The following PCDH15 variants were observed in gnomAD, a reference collection of about 807,000 sequenced individuals.
The protein encoded by PCDH15 is protocadherin related 15, also known as protocadherin-15.
A neutral mutation model predicts 178.5 loss-of-function variants in PCDH15; 129 were observed. The observed-to-expected ratio is 0.72, with a 90% CI of 0.63 to 0.84. The LOEUF (loss-of-function observed/expected upper bound fraction) is 0.84. Ranked by LOEUF, PCDH15 falls within the 40% of genes least tolerant of loss-of-function variation. PCDH15 has a pLI of 0.00. For missense variants in PCDH15, 2,230 were observed against 2,099.9 expected (o/e 1.06, Z -1.21); for synonymous variants, 800 against 732.0 (o/e 1.09, Z -1.50).
intron 1 of PCDH15, among the ~76,000 whole-genome samples, chr10:54,733,540 A>G (rs1195120913): frequency 1.3e-5 from 2 of 151,648 alleles, no homozygotes; most frequent in Admixed American, 6.6e-5. Context: ...ATTATTCCCA[A>G]ATTGATTCTA....
intron 2 of PCDH15, among the ~76,000 whole-genome samples, chr10:55,485,985 A>G (rs928427224): frequency 1.3e-5 from 2 of 151,666 alleles, no homozygotes; most frequent in African/African-American, 4.8e-5. Flanking sequence ...CCCTGTCAAA[A>G]AACACTTTGC....
At chr10:54,325,884 G>T (rs1406295089) in intron 7 of PCDH15, among the ~76,000 whole-genome samples, 1 of 152,058 alleles carries the variant, frequency 6.6e-6, no homozygotes, top group African/African-American at 2.4e-5. Flanking sequence ...ACTTCAGCCT[G>T]GGTGACAGAG....
intron 2 of PCDH15, among the ~76,000 whole-genome samples, chr10:55,359,907 G>GGAC (rs1312458071): frequency 2.0e-5 from 3 of 151,556 alleles, no homozygotes. Context: ...AAATAGCTCA[G>GGAC]GACTTCACTT....
At chr10:55,304,041 C>A (rs1462505334) in intron 1 of PCDH15, among the ~76,000 whole-genome samples, 1 of 152,116 alleles carries the variant, frequency 6.6e-6, no homozygotes, top group Non-Finnish European at 1.5e-5. Flanking sequence ...ACATTTCCCT[C>A]TAATAACCAT....
At chr10:53,939,029 G>C in intron 24 of PCDH15, 74 bp from the exon 25 acceptor site, 1 of 1,483,882 alleles carries the variant, frequency 6.7e-7, no homozygotes, top group Non-Finnish European at 9.3e-7. Flanking sequence ...AAAAGGCACT[G>C]TGATTTCAAA....
At chr10:55,607,062 A>C (rs1213674749) in intron 2 of PCDH15, among the ~76,000 whole-genome samples, 2 of 152,194 alleles carry the variant, frequency 1.3e-5, no homozygotes, top group African/African-American at 4.8e-5. Context: ...AAAAAAACAA[A>C]CAACCCTATC....
chr10:55,277,913 G>A (rs373179062), intron 1 of PCDH15, among the ~76,000 whole-genome samples: 14 of 151,976 alleles, frequency 9.2e-5, no homozygotes, highest in African/African-American at 3.1e-4. Context: ...GATCCCCACT[G>A]CCAATGTCTC....
intron 6 of PCDH15, among the ~76,000 whole-genome samples, chr10:54,341,981 G>A (rs1942317773): frequency 6.6e-6 from 1 of 152,182 alleles, no homozygotes; most frequent in South Asian, 2.1e-4. Context: ...ACAGTCATAG[G>A]CATATATGAA....
chr10:55,209,084 T>C (rs542589731), intron 1 of PCDH15, among the ~76,000 whole-genome samples: 8 of 152,128 alleles, frequency 5.3e-5, no homozygotes, highest in African/African-American at 1.7e-4. Context: ...AAACAAATCA[T>C]ATAAACAGGA....
At chr10:55,523,548 A>G (rs978812285) in intron 2 of PCDH15, among the ~76,000 whole-genome samples, 6 of 151,642 alleles carry the variant, frequency 4.0e-5, no homozygotes, top group African/African-American at 1.5e-4. Context: ...GGAATATATA[A>G]TGCATTATAG....
At chr10:53,966,764 T>C (rs965507684) in intron 21 of PCDH15, among the ~76,000 whole-genome samples, 1 of 151,572 alleles carries the variant, frequency 6.6e-6, no homozygotes, top group Non-Finnish European at 1.5e-5. Flanking sequence ...ATAGATATGA[T>C]CGAAGTATTC....
At chr10:55,594,868 G>T (rs1352923571) in intron 2 of PCDH15, among the ~76,000 whole-genome samples, 5 of 151,980 alleles carry the variant, frequency 3.3e-5, no homozygotes, top group African/African-American at 1.2e-4. Flanking sequence ...CTGTAGAACT[G>T]AACTGCAATA....
chr10:54,140,364 G>A (rs1041823592), intron 14 of PCDH15, among the ~76,000 whole-genome samples: 3 of 151,912 alleles, frequency 2.0e-5, no homozygotes, highest in African/African-American at 7.2e-5. Context: ...AACTGAATCA[G>A]GAATAAAATA....
chr10:55,236,094 T>G (rs192864883), intron 1 of PCDH15, among the ~76,000 whole-genome samples: 9 of 148,306 alleles, frequency 6.1e-5, no homozygotes, highest in Non-Finnish European at 1.0e-4. Flanking sequence ...TGTCCTGCTG[T>G]TTTTTTTCTT....
chr10:54,723,305 C>T (rs1039776781), intron 1 of PCDH15, among the ~76,000 whole-genome samples: 1 of 151,558 alleles, frequency 6.6e-6, no homozygotes, highest in South Asian at 2.1e-4. Flanking sequence ...AGGAAAGATG[C>T]TCTATTCAAT....
intron 2 of PCDH15, among the ~76,000 whole-genome samples, chr10:54,617,412 C>G (rs1303722423): frequency 6.6e-6 from 1 of 151,836 alleles, no homozygotes; most frequent in Non-Finnish European, 1.5e-5. Flanking sequence ...CCATCTTACT[C>G]AGAAGTAAAT....
At chr10:54,805,543 C>G (rs1423735656), upstream of PCDH15, among the ~76,000 whole-genome samples, 1 of 151,992 alleles carries the variant, frequency 6.6e-6, no homozygotes, top group Non-Finnish European at 1.5e-5. Context: ...ATTCTGACAC[C>G]CTTTTATTGT....
intron 2 of PCDH15, among the ~76,000 whole-genome samples, chr10:55,072,620 A>C (rs1159299243): frequency 6.6e-6 from 1 of 152,156 alleles, no homozygotes; most frequent in Non-Finnish European, 1.5e-5. Context: ...CTTACCAACC[A>C]AAAAGAGTCC....
chr10:55,136,957 G>A (rs535708563), intron 2 of PCDH15, among the ~76,000 whole-genome samples: 98 of 152,226 alleles, frequency 6.4e-4, no homozygotes, highest in South Asian at 1.2e-3. Flanking sequence ...GAAAATAAAG[G>A]TAGTCATGTT....
Sources: gnomAD v4.1 joint callset for allele counts (sites outside exome capture counted in the v4.1 genomes callset) on GRCh38, gnomAD v4.1.1 for gene constraint, MANE v1.5 for transcripts, NCBI Gene and HGNC (gene_info 2026-07-23, HGNC 2026-07-21) for gene names.